Variants in ABCA1 observed in about 807,000 individuals in gnomAD.
ABCA1 encodes ATP binding cassette subfamily A member 1, also known as phospholipid-transporting ATPase ABCA1.
Under a neutral mutation model 262.5 loss-of-function variants are expected in ABCA1, and 133 were observed. The observed-to-expected ratio is 0.51, with a 90% CI of 0.44 to 0.59. The LOEUF (loss-of-function observed/expected upper bound fraction) is 0.59, where lower values mean the gene tolerates loss of function less well. ABCA1 is among the 20% of genes least tolerant of loss of function. ABCA1 has a pLI of 0.00. For missense variants in ABCA1, 2,452 were observed against 2,777.5 expected (o/e 0.88, Z 2.63); for synonymous variants, 1,022 against 1,043.5 (o/e 0.98, Z 0.40).
intron 2 of ABCA1, among the ~76,000 whole-genome samples, chr9:104,902,579 T>C (rs993126870): frequency 6.6e-6 from 1 of 152,258 alleles, no homozygotes; most frequent in Admixed American, 6.5e-5. Context: ...GTATGGGTCA[T>C]ATAGTTGTAT....
intron 8 of ABCA1, among the ~76,000 whole-genome samples, chr9:104,843,492 A>G (rs1216469446): frequency 6.6e-6 from 1 of 152,208 alleles, no homozygotes; most frequent in East Asian, 1.9e-4. Flanking sequence ...GAAGCAGGCA[A>G]CAACACAGGC....
At chr9:104,808,081 C>T (rs933397659) in intron 30 of ABCA1, among the ~76,000 whole-genome samples, 1 of 152,108 alleles carries the variant, frequency 6.6e-6, no homozygotes, top group Non-Finnish European at 1.5e-5. Context: ...AATTTAAATA[C>T]AGCTGAGACA....
rs1554729570 is a variant in ABCA1 at position 104,862,679 on chromosome 9, C to CGGGCAGGGCCGGGCAGGGCAGGGCA, written c.422-880_422-879insTGCCCTGCCCTGCCCGGCCCTGCCC. On this transcript the variant is annotated intron_variant, in intron 5 of 49. Coordinates refer to ENST00000374736, the MANE Select transcript of ABCA1 (RefSeq NM_005502.4). ...CGGGCCGGGCCGGGCCGGGCCGGGC[C>CGGGCAGGGCCGGGCAGGGCAGGGCA]GGGCCGGGCCGGGCCGGGCCGGCCC... Among the ~76,000 whole-genome samples, 2 of 9,482 alleles carry CGGGCAGGGCCGGGCAGGGCAGGGCA rather than the reference C, an allele frequency of 2.1e-4. 1 individual carries two copies. The highest frequency in any genetic ancestry group is 7.8e-4 in the African/African-American group (2 of 2,548). 6.2% of individuals were successfully genotyped at this position (9,482 alleles called of 152,430 possible).
intron 9 of ABCA1, among the ~76,000 whole-genome samples, 155 bp downstream of exon 9, chr9:104,840,117 TTCAAGAG>T (rs1834232773): frequency 6.6e-6 from 1 of 152,310 alleles, no homozygotes; most frequent in East Asian, 1.9e-4. Context: ...CAGGTAGCTA[TTCAAGAG>T]AAGCCTCTCT....
At chr9:104,871,005 T>C (rs1302344079) in intron 5 of ABCA1, among the ~76,000 whole-genome samples, 1 of 152,194 alleles carries the variant, frequency 6.6e-6, no homozygotes, top group Non-Finnish European at 1.5e-5. Context: ...TTTTCACTTC[T>C]TTTGTGATTC....
At position 104,794,530 on chromosome 9, in the gene ABCA1, A is replaced by AAAAAT; in HGVS notation, c.5383-21_5383-20insATTTT. On this transcript the variant is annotated intron_variant, in intron 39 of 49. Coordinates refer to ENST00000374736, the MANE Select transcript of ABCA1 (RefSeq NM_005502.4). The stretch of plus-strand genomic sequence containing the variant: ...CAGCTTCTAAAAAAAAAAAAAAAAA[A>AAAAAT]TGGGAGGGAAGGGAGGGTGAGGGAG... 1.3e-6 allele frequency: 2 copies of AAAAAT among 1,567,692 alleles called. No homozygotes were observed. Among genetic ancestry groups the AAAAAT allele is most frequent in the Non-Finnish European group, 1.7e-6 (2 of 1,149,562 alleles).
chr9:104,850,373 C>T (rs1835271491), intron 7 of ABCA1, among the ~76,000 whole-genome samples: 1 of 152,226 alleles, frequency 6.6e-6, no homozygotes, highest in Admixed American at 6.5e-5. Flanking sequence ...CTGGCTGCCT[C>T]AGACTCCCAA....
chr9:104,808,221 A>G (rs1830966108), intron 30 of ABCA1, among the ~76,000 whole-genome samples: 1 of 152,140 alleles, frequency 6.6e-6, no homozygotes, highest in African/African-American at 2.4e-5. Context: ...TGGGGCTCAG[A>G]CATCATGTTT....
At chr9:104,792,315 T>C (rs1213553693) in intron 42 of ABCA1, among the ~76,000 whole-genome samples, 3 of 152,224 alleles carry the variant, frequency 2.0e-5, no homozygotes, top group African/African-American at 7.2e-5. Context: ...AAAAATTAAA[T>C]TCCACAGAGT....
chr9:104,822,731 A>G, intron 18 of ABCA1, 64 bp from the exon 19 acceptor site: 1 of 1,588,962 alleles, frequency 6.3e-7, no homozygotes, highest in East Asian at 2.2e-5. Context: ...GTGTAAGGAC[A>G]CAGGGCACTG....
At position 104,782,274 on chromosome 9, in the gene ABCA1, TA is replaced by T. The variant is rs1169902650; in HGVS notation, c.*2040del. On this transcript the variant is annotated 3_prime_UTR_variant, in exon 50 of 50. Transcript: ENST00000374736. ...GAAATATGCCTTCATTACTTATATT[TA>T]AAATCAATATTGACTTTAACTTCTA... is the stretch of plus-strand genomic sequence containing the variant. The T allele has an allele frequency of 6.6e-6, 1 of 152,160 alleles. No individual in the cohort carries two copies. The highest frequency in any genetic ancestry group is 1.5e-5 in the Non-Finnish European group (1 of 67,972). The allele number at this position is 152,160 out of a possible 1,614,324, so 9.4% of individuals were successfully genotyped here.
chr9:104,883,326 T>C (rs559175459), intron 4 of ABCA1, among the ~76,000 whole-genome samples, 169 bp from the exon 5 acceptor site: 3 of 152,246 alleles, frequency 2.0e-5, no homozygotes, highest in Admixed American at 6.5e-5. Context: ...TTCATCACCA[T>C]GTTCCCTCCC....
At chr9:104,903,913 GTCACCAGCTCCCAGCC>G in intron 1 of ABCA1, 142 bp from the exon 2 acceptor site, 1 of 598,004 alleles carries the variant, frequency 1.7e-6, no homozygotes, top group Non-Finnish European at 3.0e-6. Flanking sequence ...TGGATCATGA[GTCACCAGCTCCCAGCC>G]TCTGGGTTCA....
At chr9:104,909,472 G>A (rs187510388) in intron 1 of ABCA1, among the ~76,000 whole-genome samples, 1 of 152,286 alleles carries the variant, frequency 6.6e-6, no homozygotes. Flanking sequence ...AATGAACTGA[G>A]AGAGTGGACC....
chr9:104,911,682 G>C (rs1471677908), intron 1 of ABCA1, among the ~76,000 whole-genome samples: 1 of 152,130 alleles, frequency 6.6e-6, no homozygotes, highest in African/African-American at 2.4e-5. Context: ...TCACACTCCT[G>C]AAACATTCCA....
chr9:104,921,271 TG>T (rs1421317395), intron 1 of ABCA1, among the ~76,000 whole-genome samples: 3 of 152,216 alleles, frequency 2.0e-5, no homozygotes, highest in African/African-American at 7.2e-5. Flanking sequence ...TCTTGGAAGT[TG>T]GATTTGGCAG....
Position 104,799,701 on chromosome 9 carries a change from T to C in ABCA1, c.4943+118A>G, listed in dbSNP as rs1830176194. On this transcript the variant is annotated intron_variant, in intron 36 of 49. Transcript: ENST00000374736. ...CCCAGAGCCTGGATCAATCCAGATT[T>C]ATCATAATATAACGGTCTCTGCAGC... 2.5e-6 allele frequency: 4 copies of C among 1,591,288 alleles called. No homozygotes were observed. In the Admixed American group the frequency reaches 5.2e-5, roughly 21 times the overall value.
chr9:104,789,786 A>G (rs778020797), intron 44 of ABCA1, among the ~76,000 whole-genome samples: 2 of 151,630 alleles, frequency 1.3e-5, no homozygotes, highest in South Asian at 2.1e-4. Flanking sequence ...GCCTTGTACT[A>G]TCTCTCCACA....
chr9:104,843,640 T>C (rs914212859), intron 8 of ABCA1, among the ~76,000 whole-genome samples: 5 of 152,190 alleles, frequency 3.3e-5, no homozygotes, highest in Non-Finnish European at 7.4e-5. Flanking sequence ...AGGTTTGTCA[T>C]GTGGAGCATA....
Sources: allele counts gnomAD v4.1 joint callset (sites outside exome capture counted in the v4.1 genomes callset), GRCh38; gene constraint gnomAD v4.1.1; transcripts MANE v1.5; gene names NCBI Gene and HGNC (gene_info 2026-07-23, HGNC 2026-07-21).